Variants in ARHGAP17 observed in about 807,000 individuals in gnomAD.
The protein encoded by ARHGAP17 is rho GTPase-activating protein 17.
ARHGAP17 carries 57 observed loss-of-function variants against 99.5 expected under a neutral mutation model. The ratio of observed to expected loss-of-function variants is 0.57; its 90% confidence interval spans 0.46 to 0.71. The LOEUF (loss-of-function observed/expected upper bound fraction) is 0.71, where lower values mean the gene tolerates loss of function less well. Ranked by LOEUF, ARHGAP17 falls within the 30% of genes least tolerant of loss-of-function variation. The pLI is 0.00. For synonymous variants in ARHGAP17, 417 were observed against 429.6 expected (o/e 0.97, Z 0.36); for missense variants, 1,000 against 1,122.4 (o/e 0.89, Z 1.56).
intron 1 of ARHGAP17, among the ~76,000 whole-genome samples, chr16:24,982,141 C>T (rs1001481956): frequency 2.0e-5 from 3 of 151,298 alleles, no homozygotes; most frequent in South Asian, 2.1e-4. Context: ...TGGTGGCTCA[C>T]GCCTATAATC....
intron 14 of ARHGAP17, among the ~76,000 whole-genome samples, chr16:24,944,895 C>A (rs1053014370): frequency 8.6e-5 from 13 of 151,594 alleles, no homozygotes; most frequent in African/African-American, 3.1e-4. Context: ...GGATTACAGG[C>A]GTGAGCCACC....
intron 1 of ARHGAP17, among the ~76,000 whole-genome samples, chr16:25,007,434 C>G (rs1014056943): frequency 2.6e-5 from 4 of 152,312 alleles, no homozygotes; most frequent in Admixed American, 2.0e-4. Flanking sequence ...GGCAGGATCA[C>G]AGTTCACTGC....
intron 1 of ARHGAP17, among the ~76,000 whole-genome samples, chr16:24,997,918 T>C (rs1156979070): frequency 1.3e-5 from 2 of 152,050 alleles, no homozygotes; most frequent in East Asian, 1.9e-4. Context: ...AGAAAAGACA[T>C]CTGGTCCAGA....
chr16:24,972,546 C>T (rs930603830), intron 3 of ARHGAP17: 1 of 152,176 alleles, frequency 6.6e-6, no homozygotes, highest in African/African-American at 2.4e-5. Flanking sequence ...TTCCCAGCTG[C>T]CCCATTTCTG....
chr16:24,991,992 G>A (rs918723507), intron 1 of ARHGAP17, among the ~76,000 whole-genome samples: 1 of 152,192 alleles, frequency 6.6e-6, no homozygotes, highest in African/African-American at 2.4e-5. Context: ...TTAACTGTGT[G>A]GCCAGGAAAG....
chr16:24,919,910 T>C lies in ARHGAP17; in HGVS notation c.*220A>G, dbSNP rs1212747987. 1.2e-5 allele frequency: 6 copies of C among 510,856 alleles called. No homozygotes were observed. Among genetic ancestry groups the C allele is most frequent in the East Asian group, 7.6e-5 (2 of 26,372 alleles). 31.6% of individuals were successfully genotyped at this position (510,856 alleles called of 1,614,324 possible). On this transcript the variant is annotated 3_prime_UTR_variant, in exon 20 of 20. Coordinates refer to ENST00000289968, the MANE Select transcript of ARHGAP17 (RefSeq NM_001006634.3). ...TTTTTTTGGCATGATTTCCTTCCCATGTAAAGAAAGCCAACTTCTTCAAGA... is the reference window on the plus strand; with the variant it reads ...TTTTTTTGGCATGATTTCCTTCCCACGTAAAGAAAGCCAACTTCTTCAAGA...
chr16:24,935,774 G>C, intron 17 of ARHGAP17, 135 bp from the exon 18 acceptor site: 5 of 913,624 alleles, frequency 5.5e-6, no homozygotes, highest in Admixed American at 4.1e-5. Flanking sequence ...ATTCTAACTA[G>C]CTCACACTGG....
chr16:24,992,248 C>T (rs2053066257), intron 1 of ARHGAP17, among the ~76,000 whole-genome samples: 1 of 152,154 alleles, frequency 6.6e-6, no homozygotes, highest in Non-Finnish European at 1.5e-5. Context: ...CTCCTGGAGC[C>T]CTCTGTGGAT....
intron 1 of ARHGAP17, among the ~76,000 whole-genome samples, chr16:24,996,708 G>A (rs902137022): frequency 3.3e-5 from 5 of 152,022 alleles, no homozygotes; most frequent in African/African-American, 1.2e-4. Context: ...TTCCTTTCCC[G>A]TAAAAATGGA....
chr16:24,989,801 C>CAA (rs141105381), intron 1 of ARHGAP17, among the ~76,000 whole-genome samples: 1 of 150,972 alleles, frequency 6.6e-6, no homozygotes, highest in Non-Finnish European at 1.5e-5. Context: ...ATGTGGGAGC[C>CAA]AAAAAAAATA....
intron 1 of ARHGAP17, among the ~76,000 whole-genome samples, chr16:25,009,780 C>T (rs1452092759): frequency 3.9e-5 from 6 of 152,168 alleles, no homozygotes; most frequent in Non-Finnish European, 8.8e-5. Context: ...GCTTGATGAC[C>T]TCTTTGATCT....
chr16:24,938,102 C>T (rs1008458879), intron 17 of ARHGAP17, among the ~76,000 whole-genome samples: 1 of 152,186 alleles, frequency 6.6e-6, no homozygotes, highest in Non-Finnish European at 1.5e-5. Flanking sequence ...GTGGCTCACA[C>T]CTGTAATGCC....
At chr16:25,009,152 G>C (rs1049053455) in intron 1 of ARHGAP17, among the ~76,000 whole-genome samples, 6 of 152,276 alleles carry the variant, frequency 3.9e-5, no homozygotes, top group East Asian at 1.9e-4. Flanking sequence ...GATCACCTGA[G>C]GTCAGGGGTT....
intron 1 of ARHGAP17, among the ~76,000 whole-genome samples, chr16:24,996,856 C>G (rs952141593): frequency 2.6e-5 from 4 of 150,976 alleles, no homozygotes; most frequent in African/African-American, 9.7e-5. Flanking sequence ...AAGGCCGAGG[C>G]AGGAGGATTG....
chr16:25,003,176 G>C lies in ARHGAP17; in HGVS notation c.53+12033C>G, dbSNP rs146042131. Among the ~76,000 whole-genome samples, 156 of 151,186 alleles carry C rather than the reference G, an allele frequency of 1.0e-3. 1 individual carries two copies. In the South Asian group the frequency reaches 0.031, roughly 30 times the overall value. On this transcript the variant is annotated intron_variant, in intron 1 of 19. Coordinates refer to ENST00000289968, the MANE Select transcript of ARHGAP17 (RefSeq NM_001006634.3). ...AACAAAATTGTCTATTTGGGGCAAAGGTCTCCATCAGCTTATACAGGGCAA... is the reference window on the plus strand; with the variant it reads ...AACAAAATTGTCTATTTGGGGCAAACGTCTCCATCAGCTTATACAGGGCAA...
At chr16:24,931,599 AAC>A (rs2050994488) in intron 18 of ARHGAP17, among the ~76,000 whole-genome samples, 195 bp from the exon 19 acceptor site, 1 of 152,086 alleles carries the variant, frequency 6.6e-6, no homozygotes, top group Non-Finnish European at 1.5e-5. Flanking sequence ...ACATCTGACA[AAC>A]ACAAATTGAA....
At chr16:24,984,756 A>G (rs893148023) in intron 1 of ARHGAP17, among the ~76,000 whole-genome samples, 1 of 152,188 alleles carries the variant, frequency 6.6e-6, no homozygotes, top group African/African-American at 2.4e-5. Flanking sequence ...AAATCCAATA[A>G]AACTAGGTTG....
At chr16:24,929,475 T>C (rs2050925039) in intron 19 of ARHGAP17, 1 of 426,650 alleles carries the variant, frequency 2.3e-6, no homozygotes, top group African/African-American at 2.2e-5. Context: ...ATGGATGGCC[T>C]ATTGGCTGTC....
At chr16:24,987,191 T>G (rs2052896249) in intron 1 of ARHGAP17, among the ~76,000 whole-genome samples, 1 of 152,204 alleles carries the variant, frequency 6.6e-6, no homozygotes, top group African/African-American at 2.4e-5. Flanking sequence ...CCACAGACAT[T>G]GTATAAATGA....
Sources: allele counts gnomAD v4.1 joint callset (sites outside exome capture counted in the v4.1 genomes callset), GRCh38; gene constraint gnomAD v4.1.1; transcripts MANE v1.5; gene names NCBI Gene and HGNC (gene_info 2026-07-23, HGNC 2026-07-21).